CADPS2: variants seen among roughly 807,000 people sequenced by gnomAD.
CADPS2 encodes calcium-dependent secretion activator 2.
In CADPS2, 93 loss-of-function variants were observed where a neutral mutation model predicts 172.5. The observed-to-expected ratio is 0.54, with a 90% CI of 0.46 to 0.64. The LOEUF (loss-of-function observed/expected upper bound fraction) is 0.64, where lower values mean the gene tolerates loss of function less well. Among genes scored for constraint, CADPS2 ranks in the 30% least tolerant of loss-of-function variants. The pLI is 0.00. For missense variants in CADPS2, 1,420 were observed against 1,565.9 expected (o/e 0.91, Z 1.57); for synonymous variants, 546 against 555.2 (o/e 0.98, Z 0.23).
intron 8 of CADPS2, among the ~76,000 whole-genome samples, chr7:122,554,155 GT>G (rs1338318275): frequency 6.6e-6 from 1 of 150,962 alleles, no homozygotes; most frequent in East Asian, 1.9e-4. Flanking sequence ...TCTACACTAT[GT>G]TTTAGTTTTT....
At chr7:122,586,432 T>C (rs543528610) in intron 6 of CADPS2, among the ~76,000 whole-genome samples, 1 of 152,116 alleles carries the variant, frequency 6.6e-6, no homozygotes, top group African/African-American at 2.4e-5. Flanking sequence ...TCGATAGTGA[T>C]ATGAAATGAC....
chr7:122,322,798 T>TAA (rs1372065849), intron 29 of CADPS2, among the ~76,000 whole-genome samples: 1 of 152,200 alleles, frequency 6.6e-6, no homozygotes, highest in Non-Finnish European at 1.5e-5. Context: ...GTGTCTTTGT[T>TAA]TAGGGTAAAG....
intron 9 of CADPS2, among the ~76,000 whole-genome samples, chr7:122,505,836 T>C (rs1313682820): frequency 6.6e-6 from 1 of 151,918 alleles, no homozygotes; most frequent in Non-Finnish European, 1.5e-5. Context: ...TTAGTTCCTT[T>C]AATATCCCAA....
At chr7:122,634,467 T>C (rs1002272630) in intron 3 of CADPS2, among the ~76,000 whole-genome samples, 1 of 152,202 alleles carries the variant, frequency 6.6e-6, no homozygotes. Context: ...ACAGAGGTTT[T>C]CAAAATAATC....
chr7:122,815,234 C>T (rs1307993427), intron 1 of CADPS2, among the ~76,000 whole-genome samples: 1 of 152,152 alleles, frequency 6.6e-6, no homozygotes, highest in Non-Finnish European at 1.5e-5. Context: ...TCTAGTTAAA[C>T]TGTTAAGTCA....
chr7:122,662,655 G>A (rs1054265744), intron 3 of CADPS2, among the ~76,000 whole-genome samples: 1 of 152,100 alleles, frequency 6.6e-6, no homozygotes, highest in Non-Finnish European at 1.5e-5. Flanking sequence ...TTACAGGCGT[G>A]AGCCACCATG....
chr7:122,552,102 C>T (rs1563678705), intron 8 of CADPS2, among the ~76,000 whole-genome samples: 1 of 152,092 alleles, frequency 6.6e-6, no homozygotes, highest in Non-Finnish European at 1.5e-5. Flanking sequence ...CTGTCCCTGT[C>T]CATAGGGAGC....
At chr7:122,645,293 A>G (rs1421418223) in intron 3 of CADPS2, among the ~76,000 whole-genome samples, 6 of 138,844 alleles carry the variant, frequency 4.3e-5, no homozygotes, top group Non-Finnish European at 6.3e-5. Flanking sequence ...ATATGTACAT[A>G]TATACACATA....
intron 2 of CADPS2, among the ~76,000 whole-genome samples, chr7:122,671,841 C>A (rs2081896874): frequency 6.6e-6 from 1 of 152,154 alleles, no homozygotes. Flanking sequence ...GAGGTGTGAG[C>A]AAAACTAGGG....
At position 122,663,523 on chromosome 7, in the gene CADPS2, C is replaced by G; in HGVS notation, c.500G>C (p.Gly167Ala). Reference sequence around the variant, plus strand: ...TTCTCTGAAGTCATTAGCAGAACACCCTCCACTCTGTACCATTCTGGCCAC... The same window carrying G: ...TTCTCTGAAGTCATTAGCAGAACACGCTCCACTCTGTACCATTCTGGCCAC... The part of the protein sequence containing the change: ...DRVARMVQSG[G>A]CSANDFREVF... Residue 167 changes from glycine (G) to alanine (A), a missense_variant, in exon 3 of 30, where the codon GGG becomes GCG. Coordinates refer to ENST00000449022, the MANE Select transcript of CADPS2 (RefSeq NM_017954.11). The G allele has an allele frequency of 1.2e-6, 2 of 1,603,794 alleles. No homozygotes were observed. The highest frequency in any genetic ancestry group is 1.7e-6 in the Non-Finnish European group (2 of 1,174,256).
chr7:122,453,982 C>T (rs2053451340), intron 14 of CADPS2, among the ~76,000 whole-genome samples: 1 of 152,184 alleles, frequency 6.6e-6, no homozygotes, highest in South Asian at 2.1e-4. Flanking sequence ...TGCCTTTACA[C>T]ATCCTTATTT....
At chr7:122,537,427 G>C (rs2062421185) in intron 8 of CADPS2, among the ~76,000 whole-genome samples, 1 of 151,456 alleles carries the variant, frequency 6.6e-6, no homozygotes. Flanking sequence ...AATAGAGAAT[G>C]AAATTAAAGA....
intron 1 of CADPS2, among the ~76,000 whole-genome samples, chr7:122,793,025 T>C (rs1257680850): frequency 6.6e-6 from 1 of 152,192 alleles, no homozygotes; most frequent in East Asian, 1.9e-4. Context: ...TTCAGCCATA[T>C]CATTACATGC....
chr7:122,603,869 C>G (rs1424147341), intron 6 of CADPS2, among the ~76,000 whole-genome samples: 1 of 152,028 alleles, frequency 6.6e-6, no homozygotes, highest in Non-Finnish European at 1.5e-5. Flanking sequence ...AAGAGTAGGA[C>G]AGTGGTTGCC....
chr7:122,474,270 T>C, intron 13 of CADPS2, 111 bp downstream of exon 13: 4 of 1,155,132 alleles, frequency 3.5e-6, no homozygotes, highest in African/African-American at 1.5e-5. Context: ...AGGAATAAAA[T>C]GCTGGTTTAT....
chr7:122,347,166 TA>T (rs1291783942), intron 27 of CADPS2, among the ~76,000 whole-genome samples: 1 of 152,144 alleles, frequency 6.6e-6, no homozygotes, highest in African/African-American at 2.4e-5. Flanking sequence ...AAAATTAGGT[TA>T]AAGAGGATAT....
chr7:122,367,539 G>GTTTTTTTTT lies in CADPS2; in HGVS notation c.3388-6535_3388-6527dup, dbSNP rs202155427. On this transcript the variant is annotated intron_variant, in intron 25 of 29. Coordinates refer to ENST00000449022, the MANE Select transcript of CADPS2 (RefSeq NM_017954.11). ...TAACCATATTCTAAACCTTCCCCCA[G>GTTTTTTTTT]TTTTTTTTTTTTTTTTTTTTTTTTT... 1.3e-4 allele frequency among the ~76,000 whole-genome samples: 13 copies of GTTTTTTTTT among 100,618 alleles called. 1 individual carries two copies. Among genetic ancestry groups the GTTTTTTTTT allele is most frequent in the African/African-American group, 2.2e-4 (5 of 22,706 alleles). 66.0% of individuals were successfully genotyped at this position (100,618 alleles called of 152,430 possible). A position where few individuals can be genotyped will look rare whatever the true frequency, so the allele number is the denominator to read the frequency against.
chr7:122,703,570 C>T (rs1043940836), intron 2 of CADPS2, among the ~76,000 whole-genome samples: 1 of 152,046 alleles, frequency 6.6e-6, no homozygotes, highest in Non-Finnish European at 1.5e-5. Flanking sequence ...TGAGAGTGGA[C>T]ATATATTGGA....
intron 2 of CADPS2, among the ~76,000 whole-genome samples, chr7:122,696,407 C>A (rs1046661009): frequency 2.0e-5 from 3 of 152,164 alleles, no homozygotes; most frequent in African/African-American, 7.2e-5. Flanking sequence ...CCTTTGTGTA[C>A]CAAGCAAGGC....
Sources: gnomAD v4.1 joint callset for allele counts (sites outside exome capture counted in the v4.1 genomes callset) on GRCh38, gnomAD v4.1.1 for gene constraint, MANE v1.5 for transcripts, NCBI Gene and HGNC (gene_info 2026-07-23, HGNC 2026-07-21) for gene names.